ZRANB1: variants seen among roughly 807,000 people sequenced by gnomAD.
ZRANB1 encodes the protein ubiquitin thioesterase ZRANB1.
Under a neutral mutation model 80.5 loss-of-function variants are expected in ZRANB1, and 16 were observed. The ratio of observed to expected loss-of-function variants is 0.20; its 90% CI spans 0.13 to 0.30. The LOEUF (loss-of-function observed/expected upper bound fraction) is 0.30, where lower values mean the gene tolerates loss of function less well. ZRANB1 is among the 10% of genes least tolerant of loss of function. The pLI is 1.00. For missense variants in ZRANB1, 576 were observed against 862.6 expected (o/e 0.67, Z 4.16); for synonymous variants, 291 against 293.1 (o/e 0.99, Z 0.07).
intron 5 of ZRANB1, among the ~76,000 whole-genome samples, chr10:124,976,249 A>G (rs1294574192): frequency 6.6e-5 from 10 of 152,302 alleles, no homozygotes. Flanking sequence ...GATGCTGGTC[A>G]GTGCTCTGCC....
At chr10:124,976,682 G>T (rs921939374) in intron 5 of ZRANB1, among the ~76,000 whole-genome samples, 1 of 143,762 alleles carries the variant, frequency 7.0e-6, no homozygotes, top group African/African-American at 2.6e-5. Flanking sequence ...AGCAATTCTC[G>T]TGCCTCAGCC....
intron 1 of ZRANB1, among the ~76,000 whole-genome samples, chr10:124,952,756 G>A (rs993938113): frequency 3.3e-5 from 5 of 151,828 alleles, no homozygotes; most frequent in Non-Finnish European, 2.9e-5. Flanking sequence ...AATTATAGGC[G>A]CCCGCCAACA....
rs763456016 is a variant in ZRANB1 at position 124,983,576 on chromosome 10, A to G, written c.1796A>G (p.Asn599Ser). The change falls in exon 8 of 9, where the codon AAC becomes AGC. Residue 599 changes from asparagine to serine, a missense_variant. Around this residue, in one of 3 missense-constraint regions of ZRANB1, gnomAD observed 152 missense variants for 221.9 expected, o/e 0.69. Coordinates refer to ENST00000359653, the MANE Select transcript of ZRANB1 (RefSeq NM_017580.3). This position sits in a 1 kb window ranked among gnomAD's most constrained non-coding sequence, Gnocchi z 6.2. ...LVAMENDGYG[N>S]RGAGANLNTD... ...GCCATGGAAAATGATGGCTATGGCA[A>G]CCGAGGTGCTGGTGCTAATCTCAAT... 1.3e-5 allele frequency: 21 copies of G among 1,613,940 alleles called. No individual in the cohort carries two copies. Among genetic ancestry groups the G allele is most frequent in the Admixed American group, 8.3e-5 (5 of 60,004 alleles).
chr10:124,984,776 A>C lies in ZRANB1; in HGVS notation c.1911A>C (p.Leu637=), dbSNP rs1305858486. 6.2e-7 allele frequency: 1 copy of C among 1,612,756 alleles called. No individual in the cohort carries two copies. The highest frequency in any genetic ancestry group is 1.1e-5 in the South Asian group (1 of 91,024). Residue 637 remains leucine, a splice_region_variant and synonymous_variant, in exon 9 of 9, where the codon CTA becomes CTC. Coordinates refer to ENST00000359653, the MANE Select transcript of ZRANB1 (RefSeq NM_017580.3). ...LHVHFLSAQE[L]GNEEQQEKLL... The stretch of plus-strand genomic sequence containing the variant: ...TTGTCTTCATATTCCTCCAAAAGCT[A>C]GGTAATGAGGAACAGCAAGAAAAAC...
intron 1 of ZRANB1, 122 bp downstream of exon 1, chr10:124,943,429 T>C (rs2134242511): frequency 1.1e-6 from 1 of 906,948 alleles, no homozygotes; most frequent in African/African-American, 1.7e-5. Context: ...AACCAGGAGT[T>C]TGAGGCTGTA....
At chr10:124,953,845 A>G (rs1951663822) in intron 1 of ZRANB1, among the ~76,000 whole-genome samples, 1 of 152,192 alleles carries the variant, frequency 6.6e-6, no homozygotes, top group African/African-American at 2.4e-5. Context: ...GAAGTTGTTC[A>G]CAGTTATGGC....
Position 124,986,192 on chromosome 10 carries a change from A to G in ZRANB1, c.*1200A>G, listed in dbSNP as rs1952029916. 2 of 152,484 alleles carry G rather than the reference A, an allele frequency of 1.3e-5. No homozygotes were observed. The highest frequency in any genetic ancestry group is 4.8e-5 in the African/African-American group (2 of 41,414). 9.4% of individuals were successfully genotyped at this position (152,484 alleles called of 1,614,324 possible). ...AATACTGGGTAAAAATTTCAGACCT[A>G]TCTCAGGAACACAGAAATATTTGGT... is the stretch of plus-strand genomic sequence containing the variant. On this transcript the variant is annotated 3_prime_UTR_variant, in exon 9 of 9. Coordinates refer to ENST00000359653, the MANE Select transcript of ZRANB1 (RefSeq NM_017580.3).
At chr10:124,924,174 G>A in the ZRANB1 span, among the ~76,000 whole-genome samples, 1 of 151,670 alleles carries the variant, frequency 6.6e-6, no homozygotes, top group African/African-American at 2.4e-5. Context: ...AAAGTGCTGG[G>A]ACTGCAGGCT....
At chr10:124,981,910 TG>T (rs539949113) in intron 6 of ZRANB1, 81 bp downstream of exon 6, 29,693 of 1,545,528 alleles carry the variant, frequency 0.019, 347 homozygotes, top group Non-Finnish European at 0.02. Context: ...CAAACCATGT[TG>T]GGGGCAATGT....
intron 1 of ZRANB1, among the ~76,000 whole-genome samples, chr10:124,964,014 A>G (rs1473764635): frequency 1.3e-5 from 2 of 152,184 alleles, no homozygotes; most frequent in African/African-American, 4.8e-5. Context: ...TGTTCTCCTC[A>G]TCTTCTGTAT....
In ZRANB1 at chr10:124,972,016, A is replaced by T. The variant is rs761223975; in HGVS notation, c.1054A>T (p.Thr352Ser). 2 of 1,613,910 alleles carry T rather than the reference A, an allele frequency of 1.2e-6. No homozygotes were observed. The highest frequency in any genetic ancestry group is 3.3e-5 in the Admixed American group (2 of 59,996). The change falls in exon 3 of 9, where the codon ACA (threonine) becomes TCA (serine). Residue 352 changes from threonine to serine, a missense_variant. Around this residue, in one of 3 missense-constraint regions of ZRANB1, gnomAD observed 411 missense variants for 583.1 expected, o/e 0.70. Coordinates refer to ENST00000359653, the MANE Select transcript of ZRANB1 (RefSeq NM_017580.3). Reference protein sequence around the residue: ...CIPAMVCPELTEQIRREIAAS... With the variant: ...CIPAMVCPELSEQIRREIAAS... ...TCCAGCAATGGTGTGTCCTGAACTG[A>T]CAGAACAAATCCGGAGAGAGATAGC...
At chr10:124,960,240 T>C (rs1443426190) in intron 1 of ZRANB1, among the ~76,000 whole-genome samples, 1 of 152,194 alleles carries the variant, frequency 6.6e-6, no homozygotes, top group African/African-American at 2.4e-5. Flanking sequence ...AGGAGCTTTC[T>C]TGTTTAGTGT....
chr10:124,930,419 CCAT>C, the ZRANB1 span, among the ~76,000 whole-genome samples: 41 of 152,278 alleles, frequency 2.7e-4, no homozygotes, highest in Non-Finnish European at 1.9e-4. Flanking sequence ...GTACCCACCA[CCAT>C]ATCCAGCTAA....
the ZRANB1 span, among the ~76,000 whole-genome samples, chr10:124,933,367 G>A: frequency 6.6e-6 from 1 of 151,966 alleles, no homozygotes; most frequent in African/African-American, 2.4e-5. Context: ...TCAAACTCCT[G>A]ACCTCGTGAT....
chr10:124,958,954 C>T (rs753952643), intron 1 of ZRANB1, among the ~76,000 whole-genome samples: 19 of 152,268 alleles, frequency 1.2e-4, no homozygotes, highest in Non-Finnish European at 2.4e-4. Context: ...GGGATTACAG[C>T]GGCGAGCCTT....
chr10:124,949,387 C>T (rs1951612522), intron 1 of ZRANB1, among the ~76,000 whole-genome samples: 1 of 142,774 alleles, frequency 7.0e-6, no homozygotes, highest in Admixed American at 6.7e-5. Context: ...ACTTAAGTAA[C>T]AAGTTCACAT....
the ZRANB1 span, among the ~76,000 whole-genome samples, chr10:124,916,954 C>T: frequency 3.3e-5 from 5 of 151,916 alleles, no homozygotes; most frequent in East Asian, 7.8e-4. Flanking sequence ...GGCCGCCTCC[C>T]ACACCTCAGT....
chr10:124,939,899 A>C (rs1167679178), upstream of ZRANB1, among the ~76,000 whole-genome samples: 2 of 152,218 alleles, frequency 1.3e-5, no homozygotes, highest in Non-Finnish European at 2.9e-5. Flanking sequence ...GGCTGCTATC[A>C]GTTTGTAAGT....
intron 1 of ZRANB1, among the ~76,000 whole-genome samples, chr10:124,964,520 C>G (rs554935257): frequency 1.3e-5 from 2 of 152,140 alleles, no homozygotes; most frequent in Non-Finnish European, 2.9e-5. Context: ...TTTAGATTAC[C>G]TCATCTCTGT....
Sources: gnomAD v4.1 joint callset for allele counts (sites outside exome capture counted in the v4.1 genomes callset) on GRCh38, gnomAD v4.1.1 for gene constraint, gnomAD v4.1.1 regional missense constraint, Gnocchi (gnomAD v3.1) non-coding constraint, MANE v1.5 for transcripts, NCBI Gene and HGNC (gene_info 2026-07-23, HGNC 2026-07-21) for gene names.